Variants in TENM4 observed in about 807,000 individuals in gnomAD.
The protein encoded by TENM4 is teneurin transmembrane protein 4.
A neutral mutation model predicts 243.3 loss-of-function variants in TENM4; 82 were observed. That is an observed-to-expected ratio of 0.34 (90% confidence interval 0.28 to 0.40). The LOEUF (loss-of-function observed/expected upper bound fraction) is 0.40, where lower values mean the gene tolerates loss of function less well. Ranked by LOEUF, TENM4 falls within the 10% of genes least tolerant of loss-of-function variation. The pLI, the probability that TENM4 is intolerant of heterozygous loss-of-function variation, is 1.00. For synonymous variants in TENM4, 1,412 were observed against 1,456.3 expected, an observed-to-expected ratio of 0.97 and a Z score of 0.69; for missense variants, 3,138 against 3,673.3, an observed-to-expected ratio of 0.85 and a Z score of 3.77.
chr11:78,934,516 G>A (rs1358631080), intron 6 of TENM4, among the ~76,000 whole-genome samples: 1 of 152,144 alleles, frequency 6.6e-6, no homozygotes, highest in Non-Finnish European at 1.5e-5. Context: ...GACCTGGAAG[G>A]TCCTTCCAGT....
At chr11:79,212,710 C>A (rs1319772092) in intron 3 of TENM4, among the ~76,000 whole-genome samples, 1 of 152,132 alleles carries the variant, frequency 6.6e-6, no homozygotes, top group Non-Finnish European at 1.5e-5. Flanking sequence ...ATTTCCTCCT[C>A]CTACCCTGGA....
At chr11:78,871,511 T>C (rs1229108567) in intron 9 of TENM4, among the ~76,000 whole-genome samples, 2 of 152,210 alleles carry the variant, frequency 1.3e-5, no homozygotes, top group Admixed American at 1.3e-4. Context: ...ACCGCACAGA[T>C]GAAGAAACTC....
intron 4 of TENM4, among the ~76,000 whole-genome samples, chr11:79,089,337 T>G (rs1242370585): frequency 6.6e-6 from 1 of 152,186 alleles, no homozygotes; most frequent in Non-Finnish European, 1.5e-5. Flanking sequence ...GCCTGCTAGC[T>G]TCCTTCTCCT....
chr11:78,894,229 T>G (rs1184918407), intron 7 of TENM4, among the ~76,000 whole-genome samples: 1 of 152,180 alleles, frequency 6.6e-6, no homozygotes, highest in Non-Finnish European at 1.5e-5. Flanking sequence ...AAGGAAGAAC[T>G]CCTGCTGCCC....
At chr11:78,931,053 A>G (rs1253468715) in intron 6 of TENM4, among the ~76,000 whole-genome samples, 1 of 152,146 alleles carries the variant, frequency 6.6e-6, no homozygotes, top group Admixed American at 6.5e-5. Context: ...ATTTCACTTC[A>G]TCATGTTGAT....
intron 4 of TENM4, chr11:79,097,463 G>C (rs1408558053): frequency 1.3e-5 from 2 of 152,064 alleles, no homozygotes; most frequent in African/African-American, 4.8e-5. Context: ...CCCTCCTTTG[G>C]GCTGAGGGCC....
At chr11:78,787,138 G>A (rs1414907492) in intron 15 of TENM4, 55 bp from the exon 16 acceptor site, 2 of 1,492,444 alleles carry the variant, frequency 1.3e-6, no homozygotes. Context: ...GGAGGCAGTG[G>A]CCAGAGGGGC....
intron 3 of TENM4, among the ~76,000 whole-genome samples, chr11:79,180,795 A>G: frequency 6.6e-6 from 1 of 151,480 alleles, no homozygotes; most frequent in Non-Finnish European, 1.5e-5. Context: ...CCTGGACAAC[A>G]GAGTGAGACC....
At chr11:79,199,966 C>T (rs1863706374) in intron 3 of TENM4, among the ~76,000 whole-genome samples, 1 of 152,176 alleles carries the variant, frequency 6.6e-6, no homozygotes, top group South Asian at 2.1e-4. Context: ...CAGCAGTGGC[C>T]TCACCATACC....
intron 1 of TENM4, among the ~76,000 whole-genome samples, chr11:79,371,735 T>A (rs1857790821): frequency 6.6e-6 from 1 of 152,230 alleles, no homozygotes; most frequent in Non-Finnish European, 1.5e-5. Context: ...GATCTGTTGT[T>A]AATATGATAA....
At chr11:79,192,468 C>T (rs1330147387) in intron 3 of TENM4, among the ~76,000 whole-genome samples, 1 of 152,144 alleles carries the variant, frequency 6.6e-6, no homozygotes, top group Non-Finnish European at 1.5e-5. Context: ...TGACCTTACC[C>T]CCCAACCCTG....
At chr11:78,841,317 C>T (rs908518228) in intron 12 of TENM4, among the ~76,000 whole-genome samples, 1 of 152,216 alleles carries the variant, frequency 6.6e-6, no homozygotes, top group Non-Finnish European at 1.5e-5. Context: ...GCCACACTGC[C>T]TCTCTTTATT....
chr11:79,433,376 T>C (rs1170376509), intron 1 of TENM4, among the ~76,000 whole-genome samples: 1 of 152,112 alleles, frequency 6.6e-6, no homozygotes, highest in African/African-American at 2.4e-5. Context: ...TAACAAGACA[T>C]GGAAACCACT....
intron 18 of TENM4, among the ~76,000 whole-genome samples, chr11:78,760,029 C>T (rs1484823634): frequency 1.3e-5 from 2 of 152,190 alleles, no homozygotes; most frequent in Non-Finnish European, 2.9e-5. Context: ...CATCACAGTA[C>T]GTCTCTTTCC....
chr11:79,067,121 C>T (rs1159740951), intron 5 of TENM4, among the ~76,000 whole-genome samples: 1 of 152,174 alleles, frequency 6.6e-6, no homozygotes. Flanking sequence ...GGTTAATGTC[C>T]GCGGACCAGG....
chr11:78,687,949 T>C, intron 29 of TENM4, 105 bp downstream of exon 29: 1 of 1,360,766 alleles, frequency 7.3e-7, no homozygotes, highest in Non-Finnish European at 1.0e-6. Flanking sequence ...AATGCTTTCC[T>C]GTTCTTGGGC....
rs1017298426 is a variant in TENM4 at position 79,161,344 on chromosome 11, G to A, written c.-162-12538C>T. Among the ~76,000 whole-genome samples the A allele has an allele frequency of 3.9e-5, 6 of 152,180 alleles. No individual in the cohort carries two copies. The East Asian group carries it at 5.8e-4, about 15-fold the overall frequency. On this transcript the variant is annotated intron_variant, in intron 3 of 33. Coordinates refer to ENST00000278550, the MANE Select transcript of TENM4 (RefSeq NM_001098816.3). ...AATTTCTCCTTTTCATGGTTGAAAC[G>A]TGTGCCTTCAAAATTCATGTCCACT...
At chr11:79,192,499 G>C (rs1195441893) in intron 3 of TENM4, among the ~76,000 whole-genome samples, 1 of 152,150 alleles carries the variant, frequency 6.6e-6, no homozygotes, top group African/African-American at 2.4e-5. Flanking sequence ...AACATGTGCT[G>C]TGTCCACTCA....
intron 1 of TENM4, among the ~76,000 whole-genome samples, chr11:79,343,247 A>G (rs1857271216): frequency 6.6e-6 from 1 of 152,224 alleles, no homozygotes; most frequent in Non-Finnish European, 1.5e-5. Context: ...CACATGCATT[A>G]TGGTTAAGTG....
Sources: allele counts gnomAD v4.1 joint callset (sites outside exome capture counted in the v4.1 genomes callset), GRCh38; gene constraint gnomAD v4.1.1; transcripts MANE v1.5; gene names NCBI Gene and HGNC (gene_info 2026-07-23, HGNC 2026-07-21).